Variants in GLRA3 observed in about 807,000 individuals in gnomAD.
The protein encoded by GLRA3 is glycine receptor alpha 3.
GLRA3 carries 44 observed loss-of-function variants against 60.4 expected under a neutral mutation model. That is an observed-to-expected ratio of 0.73 (90% confidence interval 0.57 to 0.94). The LOEUF is 0.94. Ranked by LOEUF, GLRA3 falls within the 40% of genes least tolerant of loss-of-function variation. The pLI is 0.00. For synonymous variants in GLRA3, 223 were observed against 192.9 expected, an observed-to-expected ratio of 1.16 and a Z score of -1.29; for missense variants, 508 against 564.6, an observed-to-expected ratio of 0.90 and a Z score of 1.02.
chr4:174,729,622 T>G (rs1224980388), intron 3 of GLRA3, among the ~76,000 whole-genome samples: 3 of 152,218 alleles, frequency 2.0e-5, no homozygotes, highest in Non-Finnish European at 4.4e-5. Flanking sequence ...TGAGTATATG[T>G]GTAGTGTTTG....
chr4:174,666,755 T>TTAC (rs1733685573), intron 7 of GLRA3, among the ~76,000 whole-genome samples: 6 of 124,420 alleles, frequency 4.8e-5, no homozygotes, highest in African/African-American at 1.7e-4. Flanking sequence ...TATATATATA[T>TTAC]ATATTATATA....
chr4:174,640,069 T>C lies in GLRA3; in HGVS notation c.*3717A>G, dbSNP rs140439408. 6.6e-6 allele frequency: 1 copy of C among 152,254 alleles called. No individual in the cohort carries two copies. The highest frequency in any genetic ancestry group is 1.5e-5 in the Non-Finnish European group (1 of 67,984). 9.4% of individuals were successfully genotyped at this position (152,254 alleles called of 1,614,324 possible). A position where few individuals can be genotyped will look rare whatever the true frequency, so the allele number is the denominator to read the frequency against. ...TTTTCTTTGCTAGTTCAATATTAAC[T>C]AGATGAAAAATATAGGTCGTATATG... On this transcript the variant is annotated 3_prime_UTR_variant, in exon 10 of 10. Coordinates refer to ENST00000274093, the MANE Select transcript of GLRA3 (RefSeq NM_006529.4).
At chr4:174,750,762 T>A (rs147185408) in intron 3 of GLRA3, among the ~76,000 whole-genome samples, 439 of 152,232 alleles carry the variant, frequency 2.9e-3, no homozygotes, top group African/African-American at 9.8e-3. Context: ...GATCTTTGAC[T>A]GCAGATGGTT....
In GLRA3 at chr4:174,642,863, T is replaced by A; in HGVS notation, c.*923A>T. The A allele has an allele frequency of 4.2e-6, 3 of 708,258 alleles. No homozygotes were observed. Among genetic ancestry groups the A allele is most frequent in the Non-Finnish European group, 5.2e-6 (3 of 578,442 alleles). 43.9% of individuals were successfully genotyped at this position (708,258 alleles called of 1,614,324 possible). A position where few individuals can be genotyped will look rare whatever the true frequency, so the allele number is the denominator to read the frequency against. On this transcript the variant is annotated 3_prime_UTR_variant, in exon 10 of 10. Coordinates refer to ENST00000274093, the MANE Select transcript of GLRA3 (RefSeq NM_006529.4). ...TCATTTTTATCAAAATGTAAATACT[T>A]TAATCCCATTGAATTTTAAAGTCAC...
At chr4:174,775,680 G>GTGTTT (rs1738569781) in intron 2 of GLRA3, among the ~76,000 whole-genome samples, 1 of 152,142 alleles carries the variant, frequency 6.6e-6, no homozygotes, top group African/African-American at 2.4e-5. Flanking sequence ...AAATATTCTA[G>GTGTTT]TGAAATAATG....
At chr4:174,646,591 G>A (rs1732828030) in intron 9 of GLRA3, among the ~76,000 whole-genome samples, 1 of 152,168 alleles carries the variant, frequency 6.6e-6, no homozygotes, top group Non-Finnish European at 1.5e-5. Context: ...TGGAACAAAG[G>A]CTGTGATTCC....
At chr4:174,813,184 T>C (rs1740338608) in intron 1 of GLRA3, among the ~76,000 whole-genome samples, 1 of 152,212 alleles carries the variant, frequency 6.6e-6, no homozygotes, top group Non-Finnish European at 1.5e-5. Flanking sequence ...ATGAAAAGAT[T>C]AAATATTGTC....
intron 9 of GLRA3, among the ~76,000 whole-genome samples, chr4:174,651,703 A>T (rs7682248): frequency 0.14 from 21,878 of 152,056 alleles, 2,994 homozygotes; most frequent in African/African-American, 0.36. Context: ...TAAAAACATC[A>T]TTCACCCCTC....
At position 174,711,447 on chromosome 4, in the gene GLRA3, T is replaced by TA. The variant is rs67772856; in HGVS notation, c.574+4040_574+4041insT. 4.5e-3 allele frequency among the ~76,000 whole-genome samples: 413 copies of TA among 92,468 alleles called. 1 individual carries two copies. The highest frequency in any genetic ancestry group is 8.7e-3 in the African/African-American group (230 of 26,494). 60.7% of individuals were successfully genotyped at this position (92,468 alleles called of 152,430 possible). A position where few individuals can be genotyped will look rare whatever the true frequency, so the allele number is the denominator to read the frequency against. ...TTCCTAATTATATATATATATATAT[T>TA]TTTTTTTTTTTTAGAGAGAGTCTCA... On this transcript the variant is annotated intron_variant, in intron 5 of 9. Transcript: ENST00000274093.
chr4:174,814,778 A>G (rs1364306638), intron 1 of GLRA3, among the ~76,000 whole-genome samples: 1 of 151,946 alleles, frequency 6.6e-6, no homozygotes. Flanking sequence ...TGATTCAATT[A>G]CCTCCCACCA....
chr4:174,818,678 C>T (rs192225592), intron 1 of GLRA3, among the ~76,000 whole-genome samples: 67 of 152,224 alleles, frequency 4.4e-4, no homozygotes, highest in Non-Finnish European at 6.0e-4. Context: ...CAACATAAAG[C>T]AGAAGGAAGA....
intron 3 of GLRA3, among the ~76,000 whole-genome samples, chr4:174,764,425 A>G (rs1439588894): frequency 6.6e-6 from 1 of 152,094 alleles, no homozygotes; most frequent in African/African-American, 2.4e-5. Flanking sequence ...GAATTCTCAG[A>G]CATAAATATA....
rs143484900 is a variant in GLRA3 at position 174,808,620 on chromosome 4, C to A, written c.72-19677G>T. Among the ~76,000 whole-genome samples, 798 of 152,070 alleles carry A rather than the reference C, an allele frequency of 5.2e-3. 5 individuals are homozygous for A. The highest frequency in any genetic ancestry group is 0.018 in the African/African-American group (760 of 41,484). ...TCAGGCAGGTCCTTCAGGAGGTATTCCAGAAGAAGGCGTTGCTATTGCAGG... is the reference window on the plus strand; with the variant it reads ...TCAGGCAGGTCCTTCAGGAGGTATTACAGAAGAAGGCGTTGCTATTGCAGG... On this transcript the variant is annotated intron_variant, in intron 1 of 9. Transcript: ENST00000274093.
At chr4:174,647,154 C>T (rs977530171) in intron 9 of GLRA3, among the ~76,000 whole-genome samples, 5 of 152,114 alleles carry the variant, frequency 3.3e-5, no homozygotes, top group African/African-American at 9.7e-5. Context: ...CGCCCATAAT[C>T]GCAGAACTTT....
intron 3 of GLRA3, among the ~76,000 whole-genome samples, chr4:174,735,636 T>C (rs1046671591): frequency 6.6e-6 from 1 of 152,118 alleles, no homozygotes. Context: ...ACTCTGCTCA[T>C]GGCAACCTCC....
chr4:174,683,470 C>A (rs1456687690), intron 5 of GLRA3, among the ~76,000 whole-genome samples: 2 of 152,086 alleles, frequency 1.3e-5, no homozygotes, highest in African/African-American at 4.8e-5. Flanking sequence ...TGTGCCTCAG[C>A]CTCCCGAGTA....
chr4:174,646,841 T>C (rs1732839580), intron 9 of GLRA3, among the ~76,000 whole-genome samples: 1 of 152,158 alleles, frequency 6.6e-6, no homozygotes, highest in Admixed American at 6.5e-5. Flanking sequence ...ACCTCAAATC[T>C]CAGCAGTGGT....
chr4:174,726,606 A>G (rs1469304285), intron 4 of GLRA3, among the ~76,000 whole-genome samples: 1 of 152,104 alleles, frequency 6.6e-6, no homozygotes, highest in Admixed American at 6.5e-5. Context: ...TTCATCTTCA[A>G]GTCTAGGATG....
chr4:174,780,551 G>GC (rs1480382215), intron 2 of GLRA3, among the ~76,000 whole-genome samples: 1 of 146,884 alleles, frequency 6.8e-6, no homozygotes, highest in African/African-American at 2.5e-5. Flanking sequence ...CCATCAGTGT[G>GC]CTGTATTCAG....
Sources: gnomAD v4.1 joint callset for allele counts (sites outside exome capture counted in the v4.1 genomes callset) on GRCh38, gnomAD v4.1.1 for gene constraint, MANE v1.5 for transcripts, NCBI Gene and HGNC (gene_info 2026-07-23, HGNC 2026-07-21) for gene names.